LINGO2: variants seen among roughly 807,000 people sequenced by gnomAD.
The protein encoded by LINGO2 is leucine rich repeat and Ig domain containing 2.
LINGO2 carries 14 observed loss-of-function variants against 30.6 expected under a neutral mutation model. The observed-to-expected ratio is 0.46, with a 90% confidence interval of 0.30 to 0.72. The LOEUF (loss-of-function observed/expected upper bound fraction) is 0.72. Among genes scored for constraint, LINGO2 ranks in the 30% least tolerant of loss-of-function variants. The probability of loss-of-function intolerance (pLI) is 0.07; values close to 1 mark genes in which losing one functional copy is unlikely to be tolerated. For synonymous variants in LINGO2, 317 were observed against 288.5 expected (o/e 1.10, Z -1.00); for missense variants, 729 against 751.7 (o/e 0.97, Z 0.35).
At chr9:28,118,332 C>A (rs1458533017) in intron 4 of LINGO2, among the ~76,000 whole-genome samples, 2 of 152,102 alleles carry the variant, frequency 1.3e-5, no homozygotes, top group African/African-American at 4.8e-5. Flanking sequence ...AAATGAATAG[C>A]AGGTATTATT....
At chr9:28,920,151 G>A in the LINGO2 span, among the ~76,000 whole-genome samples, 2 of 152,158 alleles carry the variant, frequency 1.3e-5, no homozygotes, top group African/African-American at 4.8e-5. Context: ...CAAAGGCATA[G>A]ACGTTGTAAG....
At chr9:28,797,800 A>G in the LINGO2 span, among the ~76,000 whole-genome samples, 1 of 152,132 alleles carries the variant, frequency 6.6e-6, no homozygotes, top group Non-Finnish European at 1.5e-5. Flanking sequence ...GCTGAATGCT[A>G]TCACCAAAGG....
the LINGO2 span, among the ~76,000 whole-genome samples, chr9:28,799,504 T>C: frequency 6.6e-6 from 1 of 152,092 alleles, no homozygotes; most frequent in Non-Finnish European, 1.5e-5. Context: ...AAAGATCAAG[T>C]TATCCAATAT....
At chr9:28,337,912 G>A (rs1399882526) in intron 3 of LINGO2, among the ~76,000 whole-genome samples, 1 of 152,164 alleles carries the variant, frequency 6.6e-6, no homozygotes, top group East Asian at 1.9e-4. Flanking sequence ...GTGCAGAAGG[G>A]AAATGTGGGG....
At chr9:28,824,937 A>G in the LINGO2 span, among the ~76,000 whole-genome samples, 1 of 152,144 alleles carries the variant, frequency 6.6e-6, no homozygotes, top group African/African-American at 2.4e-5. Flanking sequence ...CAAAGAAAAT[A>G]AAATCTTCTT....
chr9:28,644,209 A>T (rs533597096), intron 1 of LINGO2, among the ~76,000 whole-genome samples: 1 of 152,226 alleles, frequency 6.6e-6, no homozygotes, highest in Non-Finnish European at 1.5e-5. Context: ...AAGAAAAAAA[A>T]AGGAAATCAG....
chr9:28,986,396 CTCTT>C, the LINGO2 span, among the ~76,000 whole-genome samples: 1 of 151,938 alleles, frequency 6.6e-6, no homozygotes, highest in African/African-American at 2.4e-5. Flanking sequence ...CAACTTTTGT[CTCTT>C]TCTATGAACA....
the LINGO2 span, among the ~76,000 whole-genome samples, chr9:28,677,294 C>T: frequency 8.5e-5 from 13 of 152,240 alleles, 1 homozygote; most frequent in South Asian, 2.7e-3. Flanking sequence ...ATTGTGCGGA[C>T]ATGTTCCTTA....
At chr9:28,457,170 A>C (rs1824884577) in intron 2 of LINGO2, among the ~76,000 whole-genome samples, 1 of 152,172 alleles carries the variant, frequency 6.6e-6, no homozygotes, top group Non-Finnish European at 1.5e-5. Context: ...ACCTTGACCC[A>C]TCACAGTGGT....
chr9:28,747,592 C>T, the LINGO2 span, among the ~76,000 whole-genome samples: 2,538 of 152,126 alleles, frequency 0.017, 87 homozygotes, highest in African/African-American at 0.058. Flanking sequence ...GCTCAAAGTG[C>T]GTGCCCTGGC....
chr9:29,042,170 G>T, the LINGO2 span, among the ~76,000 whole-genome samples: 1 of 151,920 alleles, frequency 6.6e-6, no homozygotes, highest in South Asian at 2.1e-4. Context: ...AGGATATGAA[G>T]ATATTGGATC....
At chr9:28,841,754 T>A in the LINGO2 span, among the ~76,000 whole-genome samples, 1 of 151,600 alleles carries the variant, frequency 6.6e-6, no homozygotes, top group Non-Finnish European at 1.5e-5. Context: ...TACTGAGTAT[T>A]TAGAGTTACA....
At chr9:27,996,078 C>G (rs1422966634) in intron 5 of LINGO2, among the ~76,000 whole-genome samples, 1 of 151,810 alleles carries the variant, frequency 6.6e-6, no homozygotes, top group African/African-American at 2.4e-5. Flanking sequence ...AAATCATAAC[C>G]ACAGTGAGAT....
intron 5 of LINGO2, among the ~76,000 whole-genome samples, chr9:27,979,637 G>C (rs1428650984): frequency 6.6e-6 from 1 of 151,938 alleles, no homozygotes; most frequent in African/African-American, 2.4e-5. Context: ...GTATGGAAAA[G>C]TATGTAATCT....
intron 3 of LINGO2, among the ~76,000 whole-genome samples, chr9:28,330,824 G>A (rs1279586595): frequency 2.6e-5 from 4 of 152,120 alleles, no homozygotes; most frequent in Admixed American, 6.6e-5. Flanking sequence ...GTTCAAAAGA[G>A]TGACCACAAA....
the LINGO2 span, among the ~76,000 whole-genome samples, chr9:28,904,286 T>A: frequency 6.6e-6 from 1 of 152,120 alleles, no homozygotes; most frequent in Non-Finnish European, 1.5e-5. Flanking sequence ...GTTGAAAGCT[T>A]TTCCTCTAAA....
chr9:28,245,932 GA>G (rs928354337), intron 4 of LINGO2, among the ~76,000 whole-genome samples: 56 of 150,472 alleles, frequency 3.7e-4, no homozygotes, highest in African/African-American at 1.2e-3. Context: ...CACAGAATTA[GA>G]AAAAAAAACT....
chr9:29,132,580 G>A, the LINGO2 span, among the ~76,000 whole-genome samples: 8 of 152,128 alleles, frequency 5.3e-5, no homozygotes, highest in East Asian at 3.9e-4. Context: ...AGTAACCAGC[G>A]TTCTTGTGTC....
Position 28,030,510 on chromosome 9 carries a change from C to CTAAA in LINGO2, c.-86-18109_-86-18106dup, listed in dbSNP as rs1302445256. On this transcript the variant is annotated intron_variant, in intron 4 of 5. Transcript: ENST00000379992. ...CAGAGACACTTCACTCCCTTATAAG[C>CTAAA]TAAATATCTGGCAATCCCAAATGTA... Among the ~76,000 whole-genome samples, 5 of 152,252 alleles carry CTAAA rather than the reference C, an allele frequency of 3.3e-5. No homozygotes were observed. The South Asian group carries it at 6.2e-4, about 19-fold the overall frequency.
Sources: allele counts gnomAD v4.1 joint callset (sites outside exome capture counted in the v4.1 genomes callset), GRCh38; gene constraint gnomAD v4.1.1; transcripts MANE v1.5; gene names NCBI Gene and HGNC (gene_info 2026-07-23, HGNC 2026-07-21).